The following VPS35L variants were observed in gnomAD, a reference collection of about 807,000 sequenced individuals.
VPS35L encodes VPS35 endosomal protein sorting factor like, also known as VPS35 endosomal protein-sorting factor-like.
In VPS35L, 83 loss-of-function variants were observed where a neutral mutation model predicts 133.0. The ratio of observed to expected loss-of-function variants is 0.62; its 90% CI spans 0.52 to 0.75. The LOEUF (loss-of-function observed/expected upper bound fraction) is 0.75. VPS35L is among the 30% of genes least tolerant of loss of function. VPS35L has a pLI of 0.00. For missense variants in VPS35L, 1,083 were observed against 1,206.8 expected, an observed-to-expected ratio of 0.90 and a Z score of 1.52; for synonymous variants, 423 against 449.9, an observed-to-expected ratio of 0.94 and a Z score of 0.76.
chr16:19,612,578 G>A (rs930795399), intron 12 of VPS35L, among the ~76,000 whole-genome samples: 5 of 152,082 alleles, frequency 3.3e-5, no homozygotes, highest in Admixed American at 3.3e-4. Flanking sequence ...CTTCTCTGCT[G>A]CCTTTTACCT....
intron 9 of VPS35L, among the ~76,000 whole-genome samples, chr16:19,601,931 G>T (rs1972396736): frequency 6.6e-6 from 1 of 152,110 alleles, no homozygotes. Context: ...ACTCAGGCAA[G>T]TCATTTGAAT....
intron 24 of VPS35L, among the ~76,000 whole-genome samples, chr16:19,649,147 C>T (rs563891671): frequency 6.6e-6 from 1 of 152,112 alleles, no homozygotes; most frequent in South Asian, 2.1e-4. Flanking sequence ...TGCCACCATG[C>T]CCGGCTAATT....
At chr16:19,572,712 T>C (rs1369416109) in intron 3 of VPS35L, among the ~76,000 whole-genome samples, 1 of 152,168 alleles carries the variant, frequency 6.6e-6, no homozygotes, top group Non-Finnish European at 1.5e-5. Context: ...AGATGGAGTC[T>C]TGCTCTGTCA....
intron 17 of VPS35L, 82 bp from the exon 18 acceptor site, chr16:19,629,685 C>T: frequency 8.0e-7 from 1 of 1,256,458 alleles, no homozygotes; most frequent in Non-Finnish European, 1.2e-6. Context: ...AACCATTGAA[C>T]AGAGCCAGCT....
intron 1 of VPS35L, among the ~76,000 whole-genome samples, chr16:19,560,123 ATCT>A (rs1402495864): frequency 6.6e-6 from 1 of 152,234 alleles, no homozygotes; most frequent in African/African-American, 2.4e-5. Context: ...CTTATAGATA[ATCT>A]ATGGAACTAC....
chr16:19,698,439 C>T (rs549891717), intron 29 of VPS35L, among the ~76,000 whole-genome samples: 2 of 152,248 alleles, frequency 1.3e-5, no homozygotes, highest in Non-Finnish European at 2.9e-5. Context: ...CGAGGGCCCA[C>T]TCAGGTCATC....
Position 19,682,402 on chromosome 16 carries a change from TC to T in VPS35L, c.2527+17del. On this transcript the variant is annotated intron_variant, in intron 28 of 30. Coordinates refer to ENST00000417362, the MANE Select transcript of VPS35L (RefSeq NM_020314.7). ...CCACATAGACAAAGGTAGCAGAGCC[TC>T]CCCCACCAAACCATGCTCCGCATGG... The T allele has an allele frequency of 1.9e-6, 3 of 1,611,818 alleles. No individual in the cohort carries two copies. Among genetic ancestry groups the T allele is most frequent in the Non-Finnish European group, 2.5e-6 (3 of 1,178,418 alleles).
intron 15 of VPS35L, among the ~76,000 whole-genome samples, 157 bp from the exon 16 acceptor site, chr16:19,627,537 A>C (rs1973305774): frequency 6.6e-6 from 1 of 152,194 alleles, no homozygotes; most frequent in Non-Finnish European, 1.5e-5. Flanking sequence ...ACACTGTGTT[A>C]GTCTCTCCAG....
chr16:19,570,546 A>G (rs963804718), intron 3 of VPS35L, among the ~76,000 whole-genome samples: 1 of 152,036 alleles, frequency 6.6e-6, no homozygotes, highest in African/African-American at 2.4e-5. Context: ...GTCTTCTTCC[A>G]TAGCTTTTCC....
At chr16:19,675,100 A>C (rs543904483) in intron 27 of VPS35L, among the ~76,000 whole-genome samples, 3 of 152,080 alleles carry the variant, frequency 2.0e-5, no homozygotes, top group African/African-American at 2.4e-5. Context: ...CCACATGGGC[A>C]AGCCACCAGG....
chr16:19,576,098 G>A (rs1379046414), intron 5 of VPS35L, among the ~76,000 whole-genome samples: 2 of 150,596 alleles, frequency 1.3e-5, no homozygotes, highest in East Asian at 1.9e-4. Context: ...CCTGGGAGGC[G>A]GAGGTTGCAG....
chr16:19,606,254 A>T (rs1313187860), intron 9 of VPS35L, among the ~76,000 whole-genome samples: 3 of 152,248 alleles, frequency 2.0e-5, no homozygotes, highest in African/African-American at 7.2e-5. Context: ...GACCTCAGAG[A>T]CCTATTTTTG....
At chr16:19,626,098 G>GA (rs1973253208) in intron 14 of VPS35L, 79 bp from the exon 15 acceptor site, 1 of 920,410 alleles carries the variant, frequency 1.1e-6, no homozygotes, top group African/African-American at 1.7e-5. Flanking sequence ...TTTAGAGTTC[G>GA]ACTTTGGAAA....
chr16:19,608,424 A>G, intron 10 of VPS35L, 150 bp downstream of exon 10: 1 of 631,302 alleles, frequency 1.6e-6, no homozygotes, highest in South Asian at 2.0e-5. Flanking sequence ...CATACAGGGC[A>G]AGCCACATTG....
At position 19,633,021 on chromosome 16, in the gene VPS35L, T is replaced by C. The variant is rs74926941; in HGVS notation, c.1555-71T>C. On this transcript the variant is annotated intron_variant, in intron 18 of 30. Coordinates refer to ENST00000417362, the MANE Select transcript of VPS35L (RefSeq NM_020314.7). This position sits in a 1 kb window ranked among gnomAD's most constrained non-coding sequence, Gnocchi z 4.1. Reference sequence around the variant, plus strand: ...GATATATTCTGAATACGTTAGTCCTTTCCCCCAGGAACATGGTCAGCAGTT... The same window carrying C: ...GATATATTCTGAATACGTTAGTCCTCTCCCCCAGGAACATGGTCAGCAGTT... The C allele has an allele frequency of 0.01, 12,413 of 1,186,340 alleles. 137 individuals are homozygous for C. The highest frequency in any genetic ancestry group is 0.031 in the South Asian group (2,528 of 81,608). The allele number at this position is 1,186,340 out of a possible 1,614,324, so 73.5% of individuals were successfully genotyped here. A position where few individuals can be genotyped will look rare whatever the true frequency, so the allele number is the denominator to read the frequency against.
chr16:19,578,375 A>G (rs1324066395), intron 5 of VPS35L: 1 of 374,342 alleles, frequency 2.7e-6, no homozygotes, highest in Non-Finnish European at 5.2e-6. Flanking sequence ...CCCCATCTCA[A>G]AAAAAAAAAA....
intron 28 of VPS35L, among the ~76,000 whole-genome samples, chr16:19,690,486 A>C (rs1048704695): frequency 2.0e-4 from 31 of 152,242 alleles, no homozygotes; most frequent in African/African-American, 7.5e-4. Flanking sequence ...CTTCTAGAGT[A>C]GTTGAAATAG....
At chr16:19,589,124 C>T (rs184528802) in intron 7 of VPS35L, among the ~76,000 whole-genome samples, 45 of 152,176 alleles carry the variant, frequency 3.0e-4, no homozygotes, top group African/African-American at 9.9e-4. Flanking sequence ...ATTTTGTTAT[C>T]TGTGTTTTTC....
chr16:19,630,412 C>T (rs1973413455), intron 18 of VPS35L, among the ~76,000 whole-genome samples: 1 of 147,166 alleles, frequency 6.8e-6, no homozygotes, highest in African/African-American at 2.6e-5. Context: ...CGGCTCACTG[C>T]AAGCTCCGCC....
Sources: gnomAD v4.1 joint callset for allele counts (sites outside exome capture counted in the v4.1 genomes callset) on GRCh38, gnomAD v4.1.1 for gene constraint, Gnocchi (gnomAD v3.1) non-coding constraint, MANE v1.5 for transcripts, NCBI Gene and HGNC (gene_info 2026-07-23, HGNC 2026-07-21) for gene names.